The following PANK1 variants were observed in gnomAD, a reference collection of about 807,000 sequenced individuals.
PANK1 encodes pantothenic acid kinase 1.
In PANK1, 18 loss-of-function variants were observed where a neutral mutation model predicts 40.1. The ratio of observed to expected loss-of-function variants is 0.45; its 90% CI spans 0.31 to 0.67. PANK1 has a LOEUF of 0.67. Among genes scored for constraint, PANK1 ranks in the 30% least tolerant of loss-of-function variants. The pLI is 0.06. For synonymous variants in PANK1, 242 were observed against 237.7 expected (o/e 1.02, Z -0.17); for missense variants, 457 against 599.6 (o/e 0.76, Z 2.48).
intron 5 of PANK1, among the ~76,000 whole-genome samples, chr10:89,592,333 G>C (rs1307321377): frequency 6.6e-6 from 1 of 152,180 alleles, no homozygotes; most frequent in Non-Finnish European, 1.5e-5. Flanking sequence ...TCAACTGAGA[G>C]GGGGCTCAAG....
intron 1 of PANK1, among the ~76,000 whole-genome samples, chr10:89,614,659 T>G (rs758303045): frequency 5.3e-5 from 8 of 151,930 alleles, no homozygotes; most frequent in Non-Finnish European, 1.2e-4. Context: ...TAGCCAGGTG[T>G]GGTGGTGCAC....
At chr10:89,588,320 T>G (rs1293313282) in intron 6 of PANK1, among the ~76,000 whole-genome samples, 1 of 152,230 alleles carries the variant, frequency 6.6e-6, no homozygotes, top group Admixed American at 6.5e-5. Context: ...TTAAATCTTT[T>G]GGGTAAGTAT....
rs534918359 is a variant in PANK1, at chr10:89,584,404, C to T, written c.*2G>A. ...GGAGGCTGTTTCCTCCACTGCTCGTCTCTACTTGTCATCAGTCATTTTGAA... is the reference window on the plus strand; with the variant it reads ...GGAGGCTGTTTCCTCCACTGCTCGTTTCTACTTGTCATCAGTCATTTTGAA... On this transcript the variant is annotated 3_prime_UTR_variant, in exon 7 of 7. Coordinates refer to ENST00000307534, the MANE Select transcript of PANK1 (RefSeq NM_148977.3). 6.3e-7 allele frequency: 1 copy of T among 1,592,362 alleles called. No homozygotes were observed. Among genetic ancestry groups the T allele is most frequent in the Admixed American group, 1.7e-5 (1 of 59,982 alleles).
chr10:89,588,873 A>G, intron 5 of PANK1, 96 bp from the exon 6 acceptor site: 1 of 778,856 alleles, frequency 1.3e-6, no homozygotes, highest in Non-Finnish European at 1.9e-6. Context: ...AGAACCTTGA[A>G]GAGTGAATAT....
At chr10:89,603,528 T>C (rs750796252) in intron 2 of PANK1, among the ~76,000 whole-genome samples, 5 of 152,184 alleles carry the variant, frequency 3.3e-5, no homozygotes, top group Non-Finnish European at 7.3e-5. Flanking sequence ...CTATCACTAT[T>C]ACCTATTTTG....
chr10:89,618,623 A>G (rs1564630713), intron 1 of PANK1, among the ~76,000 whole-genome samples: 2 of 152,200 alleles, frequency 1.3e-5, no homozygotes, highest in African/African-American at 2.4e-5. Context: ...TTCCAGGCCC[A>G]TGGGGTCAGA....
intron 1 of PANK1, among the ~76,000 whole-genome samples, chr10:89,630,283 T>G (rs192310655): frequency 6.6e-6 from 1 of 152,264 alleles, no homozygotes; most frequent in East Asian, 1.9e-4. Flanking sequence ...CTGTGAAAAA[T>G]GAGTTAATCC....
chr10:89,599,383 A>C lies in PANK1; in HGVS notation c.768T>G (p.Asn256Lys). 1 of 1,614,034 alleles carries C rather than the reference A, an allele frequency of 6.2e-7. No homozygotes were observed. The highest frequency in any genetic ancestry group is 8.5e-7 in the Non-Finnish European group (1 of 1,179,966). ...PECYYFENPT[N>K]PELCQKKPYC... is the part of the protein sequence containing the mutation. ...ACGGCTTTTTTTGACACAATTCAGG[A>C]TTTGTGGGATTTTCAAAATAGTAAC... The change falls in exon 3 of 7, where the codon AAT (asparagine) becomes AAG (lysine). Residue 256 changes from asparagine (N) to lysine (K), a missense_variant. Physicochemically the swap from Asn to Lys is moderately conservative, Grantham distance 94. Transcript: ENST00000307534.
chr10:89,632,722 T>A (rs1199185043), intron 1 of PANK1, among the ~76,000 whole-genome samples: 1 of 152,226 alleles, frequency 6.6e-6, no homozygotes. Flanking sequence ...TAACACCTGC[T>A]TGGTCTACCT....
rs375515126 is a variant in PANK1 at position 89,594,099 on chromosome 10, G to A, written c.900-110C>T. 4 of 721,990 alleles carry A rather than the reference G, an allele frequency of 5.5e-6. No homozygotes were observed. In the African/African-American group the frequency reaches 7.1e-5, roughly 13 times the overall value. The allele number at this position is 721,990 out of a possible 1,614,324, so 44.7% of individuals were successfully genotyped here. A position where few individuals can be genotyped will look rare whatever the true frequency, so the allele number is the denominator to read the frequency against. On this transcript the variant is annotated intron_variant, in intron 3 of 6. Transcript: ENST00000307534. Reference sequence around the variant, plus strand: ...GGGTGAATAAAAGCAGACGAACAAAGGGGCACTTGAATTAAAGTGCTAGGG... The same window carrying A: ...GGGTGAATAAAAGCAGACGAACAAAAGGGCACTTGAATTAAAGTGCTAGGG...
intron 1 of PANK1, among the ~76,000 whole-genome samples, chr10:89,637,041 G>A (rs1339540301): frequency 6.6e-6 from 1 of 150,768 alleles, no homozygotes; most frequent in Non-Finnish European, 1.5e-5. Context: ...TGTATTTTTA[G>A]TAGAGACGGG....
At chr10:89,622,526 A>C (rs866613999) in intron 1 of PANK1, among the ~76,000 whole-genome samples, 4 of 152,078 alleles carry the variant, frequency 2.6e-5, no homozygotes, top group African/African-American at 9.7e-5. Flanking sequence ...GCATCCAAAA[A>C]TTTAGCTTTA....
At chr10:89,629,409 T>C (rs907352715) in intron 1 of PANK1, among the ~76,000 whole-genome samples, 5 of 152,228 alleles carry the variant, frequency 3.3e-5, no homozygotes, top group African/African-American at 1.2e-4. Context: ...GGATTAAAAC[T>C]TTATAAAATA....
chr10:89,640,457 G>A lies in PANK1; in HGVS notation c.292+4143C>T, dbSNP rs1278229097. 2.0e-5 allele frequency among the ~76,000 whole-genome samples: 3 copies of A among 151,708 alleles called. No individual in the cohort carries two copies. In the East Asian group the frequency reaches 5.8e-4, roughly 29 times the overall value. The stretch of plus-strand genomic sequence containing the variant: ...CCCAACAACTCTAGGCATTTAAAAG[G>A]TGTCATAAATTAAGTAAAGAGATAC... On this transcript the variant is annotated intron_variant, in intron 1 of 6. Coordinates refer to ENST00000307534, the MANE Select transcript of PANK1 (RefSeq NM_148977.3).
At position 89,644,978 on chromosome 10, in the gene PANK1, C is replaced by A; in HGVS notation, c.-87G>T. On this transcript the variant is annotated 5_prime_UTR_variant, in exon 1 of 7. In the 5' UTR this introduces an upstream ATG that the reference lacks. Coordinates refer to ENST00000307534, the MANE Select transcript of PANK1 (RefSeq NM_148977.3). ...TCCGGCGTCTTTATTTCCCCGGATC[C>A]TCCCTGCGGCTTCCGATTCAGCAGC... 6.3e-7 allele frequency: 1 copy of A among 1,576,434 alleles called. No individual in the cohort carries two copies. Among genetic ancestry groups the A allele is most frequent in the Non-Finnish European group, 8.6e-7 (1 of 1,164,466 alleles).
At chr10:89,599,554 T>C (rs1444300616) in intron 2 of PANK1, 49 bp from the exon 3 acceptor site, 7 of 1,565,250 alleles carry the variant, frequency 4.5e-6, no homozygotes, top group East Asian at 2.2e-5. Flanking sequence ...TAGGCGACCA[T>C]CTAAGGGGAA....
At position 89,584,108 on chromosome 10, in the gene PANK1, A is replaced by C; in HGVS notation, c.*298T>G. On this transcript the variant is annotated 3_prime_UTR_variant, in exon 7 of 7. Coordinates refer to ENST00000307534, the MANE Select transcript of PANK1 (RefSeq NM_148977.3). ...CGCTTACATATCAGGTCCTTCTTAA[A>C]CATCAAACAACTTTTCAAAGTTAAT... The C allele has an allele frequency of 3.3e-6, 1 of 298,676 alleles. No individual in the cohort carries two copies. Among genetic ancestry groups the C allele is most frequent in the South Asian group, 9.4e-5 (1 of 10,642 alleles). The allele number at this position is 298,676 out of a possible 1,614,324, so 18.5% of individuals were successfully genotyped here.
intron 2 of PANK1, among the ~76,000 whole-genome samples, chr10:89,611,356 A>C (rs979787785): frequency 6.6e-6 from 1 of 152,224 alleles, no homozygotes; most frequent in Non-Finnish European, 1.5e-5. Flanking sequence ...TATATAGTAA[A>C]AGTCTGTGGT....
At chr10:89,602,216 A>T (rs1408972290) in intron 2 of PANK1, among the ~76,000 whole-genome samples, 1 of 152,264 alleles carries the variant, frequency 6.6e-6, no homozygotes, top group Non-Finnish European at 1.5e-5. Flanking sequence ...ATACTAGGAA[A>T]AAAGAAAAAC....
Sources: allele counts gnomAD v4.1 joint callset (sites outside exome capture counted in the v4.1 genomes callset), GRCh38; gene constraint gnomAD v4.1.1; transcripts MANE v1.5; gene names NCBI Gene and HGNC (gene_info 2026-07-23, HGNC 2026-07-21).